The following KIF26B variants were observed in gnomAD, a reference collection of about 807,000 sequenced individuals.
The protein encoded by KIF26B is kinesin-like protein KIF26B.
Under a neutral mutation model 151.2 loss-of-function variants are expected in KIF26B, and 63 were observed. That is an observed-to-expected ratio of 0.42 (90% CI 0.34 to 0.51). The LOEUF (loss-of-function observed/expected upper bound fraction) is 0.51, where lower values mean the gene tolerates loss of function less well. Ranked by LOEUF, KIF26B falls within the 20% of genes least tolerant of loss-of-function variation. KIF26B has a pLI of 0.07. For synonymous variants in KIF26B, 1,357 were observed against 1,262.1 expected (o/e 1.08, Z -1.59); for missense variants, 2,813 against 2,913.6 (o/e 0.97, Z 0.79).
chr1:245,675,558 C>T (rs1004921834), intron 10 of KIF26B, among the ~76,000 whole-genome samples: 3 of 152,280 alleles, frequency 2.0e-5, no homozygotes, highest in South Asian at 2.1e-4. Flanking sequence ...TTTTACTACC[C>T]AAGCCTGACC....
At chr1:245,631,599 G>T (rs749358025) in intron 9 of KIF26B, among the ~76,000 whole-genome samples, 10 of 152,068 alleles carry the variant, frequency 6.6e-5, no homozygotes, top group Non-Finnish European at 1.0e-4. Flanking sequence ...TTAGGATAAT[G>T]GTGGCCTGGT....
chr1:245,394,996 G>A (rs768951267), intron 3 of KIF26B, among the ~76,000 whole-genome samples: 4 of 152,102 alleles, frequency 2.6e-5, no homozygotes, highest in Non-Finnish European at 5.9e-5. Flanking sequence ...CCCAGCCAAG[G>A]TGTTTTCTTA....
At chr1:245,475,980 A>C (rs1053048620) in intron 4 of KIF26B, among the ~76,000 whole-genome samples, 1 of 151,908 alleles carries the variant, frequency 6.6e-6, no homozygotes, top group Non-Finnish European at 1.5e-5. Flanking sequence ...AGCGTTAGTC[A>C]AAATAGCCAA....
At chr1:245,651,998 C>T (rs930008596) in intron 10 of KIF26B, among the ~76,000 whole-genome samples, 1 of 151,908 alleles carries the variant, frequency 6.6e-6, no homozygotes, top group Non-Finnish European at 1.5e-5. Context: ...ATTACTTAGA[C>T]GTACCATGAA....
At chr1:245,322,501 C>T (rs188342488) in intron 2 of KIF26B, among the ~76,000 whole-genome samples, 2 of 152,292 alleles carry the variant, frequency 1.3e-5, no homozygotes, top group East Asian at 1.9e-4. Flanking sequence ...CAGATCAGCA[C>T]ACAATTTTTT....
intron 10 of KIF26B, among the ~76,000 whole-genome samples, chr1:245,679,032 T>A (rs1048888340): frequency 1.8e-4 from 27 of 152,100 alleles, no homozygotes; most frequent in Non-Finnish European, 2.8e-4. Context: ...TGCTTGGTGG[T>A]TCAGTGTCTG....
In KIF26B at chr1:245,464,382, GGT is replaced by G. The variant is rs145902975; in HGVS notation, c.1166+44649_1166+44650del. Among the ~76,000 whole-genome samples, 616 of 146,710 alleles carry G rather than the reference GGT, an allele frequency of 4.2e-3. 8 individuals carry two copies. In the East Asian group the frequency reaches 0.051, roughly 12 times the overall value. ...GTGTGTGCGTGTGTGGGTGTGTGTA[GGT>G]GTGTGTGTGTGGGTGTGTGCGTATG... On this transcript the variant is annotated intron_variant, in intron 4 of 14. Transcript: ENST00000407071.
intron 2 of KIF26B, among the ~76,000 whole-genome samples, chr1:245,182,234 T>C (rs1299119548): frequency 3.3e-5 from 5 of 152,222 alleles, no homozygotes; most frequent in African/African-American, 1.2e-4. Flanking sequence ...GTCTTCACCC[T>C]ACTCCACTCC....
At chr1:245,639,978 T>C (rs531223254) in intron 9 of KIF26B, among the ~76,000 whole-genome samples, 163 of 151,310 alleles carry the variant, frequency 1.1e-3, no homozygotes, top group African/African-American at 3.8e-3. Flanking sequence ...TAGGTCCCTT[T>C]GGTCTAGAGT....
At chr1:245,416,635 G>C (rs1192895137) in intron 3 of KIF26B, among the ~76,000 whole-genome samples, 1 of 152,214 alleles carries the variant, frequency 6.6e-6, no homozygotes, top group Non-Finnish European at 1.5e-5. Flanking sequence ...GCATAGGCTG[G>C]AAGAAGGCTT....
At chr1:245,240,906 G>T (rs1003465880) in intron 2 of KIF26B, among the ~76,000 whole-genome samples, 2 of 152,124 alleles carry the variant, frequency 1.3e-5, no homozygotes, top group African/African-American at 4.8e-5. Context: ...GAGGTGGAAA[G>T]AAACTTGCTT....
At chr1:245,562,269 T>C (rs1035710209) in intron 5 of KIF26B, among the ~76,000 whole-genome samples, 1 of 152,094 alleles carries the variant, frequency 6.6e-6, no homozygotes, top group Non-Finnish European at 1.5e-5. Flanking sequence ...GCTTTAATAT[T>C]TTATACTCAG....
chr1:245,331,703 A>G (rs995083367), intron 2 of KIF26B, among the ~76,000 whole-genome samples: 2 of 152,218 alleles, frequency 1.3e-5, no homozygotes, highest in Non-Finnish European at 2.9e-5. Flanking sequence ...CCCCTGTACA[A>G]TATTCACTGT....
chr1:245,176,854 T>C (rs536688099), intron 2 of KIF26B, among the ~76,000 whole-genome samples: 1 of 152,330 alleles, frequency 6.6e-6, no homozygotes, highest in South Asian at 2.1e-4. Context: ...CTTTTGTGAA[T>C]TGGTAGTTTA....
chr1:245,210,073 G>A (rs1205491379), intron 2 of KIF26B, among the ~76,000 whole-genome samples: 1 of 152,248 alleles, frequency 6.6e-6, no homozygotes, highest in Non-Finnish European at 1.5e-5. Context: ...CTAGCTCTGT[G>A]CCATGCAGCT....
intron 2 of KIF26B, among the ~76,000 whole-genome samples, chr1:245,337,909 G>A (rs1024179898): frequency 2.0e-5 from 3 of 152,162 alleles, no homozygotes; most frequent in Non-Finnish European, 2.9e-5. Flanking sequence ...GTGCTTGGCC[G>A]GGAGCAGATC....
intron 2 of KIF26B, among the ~76,000 whole-genome samples, chr1:245,300,758 A>C (rs1266920905): frequency 6.6e-6 from 1 of 150,718 alleles, no homozygotes; most frequent in Non-Finnish European, 1.5e-5. Context: ...CGAGCTCCTG[A>C]CCTCTGGTGA....
At position 245,616,110 on chromosome 1, in the gene KIF26B, A is replaced by C. The variant is rs559202932; in HGVS notation, c.2098+4134A>C. On this transcript the variant is annotated intron_variant, in intron 9 of 14. Transcript: ENST00000407071. ...TTACACACAAATGCATCTTACATTT[A>C]TAATTTTACACACAAATGCATTTTA... 1.8e-4 allele frequency among the ~76,000 whole-genome samples: 28 copies of C among 152,356 alleles called. No individual in the cohort carries two copies. The South Asian group carries it at 4.6e-3, about 25-fold the overall frequency.
At chr1:245,342,171 A>T (rs868828289) in intron 2 of KIF26B, among the ~76,000 whole-genome samples, 1 of 152,336 alleles carries the variant, frequency 6.6e-6, no homozygotes. Context: ...TTAAATACAG[A>T]TTGTGCGCAC....
Sources: allele counts gnomAD v4.1 joint callset (sites outside exome capture counted in the v4.1 genomes callset), GRCh38; gene constraint gnomAD v4.1.1; transcripts MANE v1.5; gene names NCBI Gene and HGNC (gene_info 2026-07-23, HGNC 2026-07-21).